Variants in MCF2L observed in about 807,000 individuals in gnomAD.
The protein encoded by MCF2L is guanine nucleotide exchange factor DBS.
In MCF2L, 97 loss-of-function variants were observed where a neutral mutation model predicts 153.4. The ratio of observed to expected loss-of-function variants is 0.63; its 90% CI spans 0.54 to 0.75. The LOEUF (loss-of-function observed/expected upper bound fraction) is 0.75, where lower values mean the gene tolerates loss of function less well. Ranked by LOEUF, MCF2L falls within the 30% of genes least tolerant of loss-of-function variation. The pLI, the probability that MCF2L is intolerant of heterozygous loss-of-function variation, is 0.00. For missense variants in MCF2L, 1,347 were observed against 1,495.2 expected (o/e 0.90, Z 1.64); for synonymous variants, 659 against 632.2 (o/e 1.04, Z -0.64).
chr13:113,087,147 T>G (rs2034710685), intron 21 of MCF2L, 88 bp from the exon 22 acceptor site: 13 of 1,185,662 alleles, frequency 1.1e-5, no homozygotes, highest in Non-Finnish European at 1.4e-5. Context: ...GGGTGGGCTT[T>G]GCAGAGTGGC....
rs774668527 is a variant in MCF2L at position 113,085,113 on chromosome 13, C to T, written c.2182C>T (p.Leu728=). The change falls in exon 20 of 30, where the codon CTG becomes TTG. Residue 728 remains leucine, a synonymous_variant. Transcript: ENST00000535094. ...ATGCCAGAGAAAGCTGGACCACAAG[C>T]TGAGCCTGGACTCCTACCTGCTGAA... ...QECQRKLDHK[L]SLDSYLLKPV... is the part of the protein sequence containing the mutation. The T allele has an allele frequency of 6.2e-7, 1 of 1,613,736 alleles. No homozygotes were observed. Among genetic ancestry groups the T allele is most frequent in the South Asian group, 1.1e-5 (1 of 91,088 alleles).
intron 1 of MCF2L, among the ~76,000 whole-genome samples, chr13:112,973,927 C>T (rs757591560): frequency 2.8e-4 from 43 of 152,272 alleles, no homozygotes; most frequent in African/African-American, 7.0e-4. Context: ...CCCCTTTTCA[C>T]GCTGCACCTG....
At chr13:112,938,995 C>CA (rs1484460319) in intron 2 of MCF2L, among the ~76,000 whole-genome samples, 1 of 152,178 alleles carries the variant, frequency 6.6e-6, no homozygotes, top group Non-Finnish European at 1.5e-5. Flanking sequence ...ACAGCTGCCC[C>CA]AAGTCCCTCT....
At chr13:113,078,288 T>C (rs2033720325) in intron 13 of MCF2L, 75 bp from the exon 14 acceptor site, 1 of 1,265,522 alleles carries the variant, frequency 7.9e-7, no homozygotes, top group Non-Finnish European at 1.1e-6. Flanking sequence ...CTCGGGGCCT[T>C]TTCCCGCTGG....
At position 113,088,568 on chromosome 13, in the gene MCF2L, G is replaced by C. The variant is rs1186229843; in HGVS notation, c.2774G>C (p.Ser925Thr). The C allele has an allele frequency of 6.2e-7, 1 of 1,610,876 alleles. No individual in the cohort carries two copies. The highest frequency in any genetic ancestry group is 2.2e-5 in the East Asian group (1 of 44,858). Residue 925 changes from serine to threonine, a missense_variant, in exon 25 of 30, where the codon AGC becomes ACC. Physicochemically the swap from Ser to Thr is moderately conservative, Grantham distance 58. Coordinates refer to ENST00000535094, the MANE Select transcript of MCF2L (RefSeq NM_001112732.3). ...GTCTGCTCCCTCCTCGCAGAAGCCA[G>C]CCAGCACCGGGCGCTGGAGCAGTCA... The part of the protein sequence containing the change: ...TSQLQACREA[S>T]QHRALEQSQS...
At chr13:113,007,608 T>G (rs545928589) in intron 1 of MCF2L, among the ~76,000 whole-genome samples, 2 of 152,310 alleles carry the variant, frequency 1.3e-5, no homozygotes, top group South Asian at 2.1e-4. Flanking sequence ...AGAGCTCCAG[T>G]GAAACACGCA....
At chr13:112,902,481 C>A (rs1327970594) in intron 2 of MCF2L, 1 of 1,150,764 alleles carries the variant, frequency 8.7e-7, no homozygotes, top group East Asian at 2.6e-5. Context: ...AGGTTTAGAT[C>A]CTGGGAATGC....
chr13:113,012,483 C>T (rs1311035119), intron 1 of MCF2L, among the ~76,000 whole-genome samples: 2 of 99,470 alleles, frequency 2.0e-5, no homozygotes, highest in African/African-American at 3.7e-5. Context: ...GGTGGACAGG[C>T]GGTGTGGACG....
rs747899800 is a variant in MCF2L, at chr13:113,046,323, G to A, written c.369+962G>A. The A allele has an allele frequency of 7.2e-5, 22 of 303,800 alleles. No individual in the cohort carries two copies. Among genetic ancestry groups the A allele is most frequent in the Non-Finnish European group, 1.2e-4 (18 of 155,492 alleles). The allele number at this position is 303,800 out of a possible 1,614,324, so 18.8% of individuals were successfully genotyped here. A position where few individuals can be genotyped will look rare whatever the true frequency, so the allele number is the denominator to read the frequency against. The stretch of plus-strand genomic sequence containing the variant: ...GGTCCAGGCACCTGCATGTTCTCAC[G>A]CCCGCCACAGCCCGTCCCTCCCAGG... On this transcript the variant is annotated intron_variant, in intron 4 of 29. Transcript: ENST00000535094. This position sits in a 1 kb window ranked among gnomAD's most constrained non-coding sequence, Gnocchi z 4.4.
intron 2 of MCF2L, among the ~76,000 whole-genome samples, chr13:112,944,882 T>A (rs1229611580): frequency 6.6e-6 from 1 of 152,196 alleles, no homozygotes; most frequent in Non-Finnish European, 1.5e-5. Flanking sequence ...GGGAGCAAGG[T>A]CTGCCTGATG....
intron 2 of MCF2L, chr13:112,910,504 A>G (rs902772398): frequency 6.6e-5 from 10 of 152,264 alleles, no homozygotes; most frequent in South Asian, 2.1e-4. Context: ...CACTATAATA[A>G]GTGAAATTGC....
chr13:112,917,852 G>T (rs1250676773), intron 2 of MCF2L, among the ~76,000 whole-genome samples: 1 of 152,172 alleles, frequency 6.6e-6, no homozygotes, highest in Non-Finnish European at 1.5e-5. Flanking sequence ...CTGGCTTCTA[G>T]ACCCTCTGGA....
Position 112,993,883 on chromosome 13 carries a change from A to G in MCF2L, c.80-20880A>G, listed in dbSNP as rs2082997270. Among the ~76,000 whole-genome samples, 1 of 151,702 alleles carries G rather than the reference A, an allele frequency of 6.6e-6. No homozygotes were observed. The highest frequency in any genetic ancestry group is 1.5e-5 in the Non-Finnish European group (1 of 67,920). On this transcript the variant is annotated intron_variant, in intron 1 of 29. Coordinates refer to ENST00000535094, the MANE Select transcript of MCF2L (RefSeq NM_001112732.3). The surrounding 1 kb of genome is among the most constrained non-coding windows in gnomAD (Gnocchi z 4.6). ...GGTGGGTAGGATTTTCCCCTCCCTT[A>G]GATCGGAAGGCGAAGAAGGTGAGAT... is the stretch of plus-strand genomic sequence containing the variant.
chr13:113,045,048 A>G lies in MCF2L; in HGVS notation c.279-223A>G. 9.2e-7 allele frequency: 1 copy of G among 1,084,794 alleles called. No individual in the cohort carries two copies. The allele number at this position is 1,084,794 out of a possible 1,614,324, so 67.2% of individuals were successfully genotyped here. A position where few individuals can be genotyped will look rare whatever the true frequency, so the allele number is the denominator to read the frequency against. The stretch of plus-strand genomic sequence containing the variant: ...GTGGTTGGTGTTAGGCTGAGAAATA[A>G]GAACACACCAAAAGTGCCTGCCCTT... On this transcript the variant is annotated intron_variant, in intron 3 of 29. Coordinates refer to ENST00000535094, the MANE Select transcript of MCF2L (RefSeq NM_001112732.3). This position sits in a 1 kb window ranked among gnomAD's most constrained non-coding sequence, Gnocchi z 4.2.
rs758735868 is a variant in MCF2L, at chr13:113,001,900, C to A, written c.80-12863C>A. 9 of 1,590,450 alleles carry A rather than the reference C, an allele frequency of 5.7e-6. No homozygotes were observed. In the East Asian group the frequency reaches 2.0e-4, roughly 36 times the overall value. ...AGCCGGGTCGGGGGCTCCTGACTCG[C>A]ACTGGGCAGCATGACGGTGCGCCGG... On this transcript the variant is annotated intron_variant, in intron 1 of 29. Coordinates refer to ENST00000535094, the MANE Select transcript of MCF2L (RefSeq NM_001112732.3).
chr13:112,948,989 G>A (rs2081664628), intron 2 of MCF2L, among the ~76,000 whole-genome samples: 1 of 152,374 alleles, frequency 6.6e-6, no homozygotes, highest in South Asian at 2.1e-4. Context: ...CTGAACCTGG[G>A]AAGCGGAGGT....
chr13:113,043,605 G>T (rs1217788362), intron 3 of MCF2L: 1 of 152,294 alleles, frequency 6.6e-6, no homozygotes, highest in African/African-American at 2.4e-5. Flanking sequence ...TACACGGGAA[G>T]TAAGATTCCC....
intron 1 of MCF2L, chr13:113,009,242 C>T (rs867303635): frequency 4.6e-5 from 7 of 152,224 alleles, no homozygotes; most frequent in Admixed American, 4.6e-4. Context: ...CCCTGATCAC[C>T]GCTTCTTTTG....
At chr13:112,909,025 A>T (rs1157372637) in intron 2 of MCF2L, among the ~76,000 whole-genome samples, 1 of 152,160 alleles carries the variant, frequency 6.6e-6, no homozygotes, top group Non-Finnish European at 1.5e-5. Context: ...CGCCCCGCCC[A>T]TGCTTATGTT....
Sources: allele counts gnomAD v4.1 joint callset (sites outside exome capture counted in the v4.1 genomes callset), GRCh38; gene constraint gnomAD v4.1.1; non-coding constraint Gnocchi (gnomAD v3.1); transcripts MANE v1.5; gene names NCBI Gene and HGNC (gene_info 2026-07-23, HGNC 2026-07-21).